GUCY1A2: variants seen among roughly 807,000 people sequenced by gnomAD.
GUCY1A2 encodes guanylate cyclase 1 soluble subunit alpha 2, also known as guanylate cyclase soluble subunit alpha-2.
A neutral mutation model predicts 63.5 loss-of-function variants in GUCY1A2; 27 were observed. The ratio of observed to expected loss-of-function variants is 0.43; its 90% CI spans 0.31 to 0.59. GUCY1A2 has a LOEUF of 0.59. Ranked by LOEUF, GUCY1A2 falls within the 20% of genes least tolerant of loss-of-function variation. GUCY1A2 has a pLI of 0.11. For missense variants in GUCY1A2, 768 were observed against 913.3 expected (o/e 0.84, Z 2.05); for synonymous variants, 364 against 343.5 (o/e 1.06, Z -0.66).
intron 5 of GUCY1A2, among the ~76,000 whole-genome samples, chr11:106,792,670 G>T (rs1864685392): frequency 8.9e-6 from 1 of 112,872 alleles, no homozygotes; most frequent in South Asian, 2.4e-4. Context: ...TACTGAATGG[G>T]CAAAAGCTGG....
Position 106,847,587 on chromosome 11 carries a change from T to G in GUCY1A2, c.1207-37109A>C, listed in dbSNP as rs76010267. Among the ~76,000 whole-genome samples, 942 of 151,578 alleles carry G rather than the reference T, an allele frequency of 6.2e-3. 13 individuals carry two copies. The highest frequency in any genetic ancestry group is 0.021 in the African/African-American group (865 of 41,480). ...GAGAAGGCATTTCAGCTGAGCCCCA[T>G]TAGTGGAAGCTTCCTGAAAAGGTGA... is the stretch of plus-strand genomic sequence containing the variant. On this transcript the variant is annotated intron_variant, in intron 4 of 7. Transcript: ENST00000526355.
At chr11:107,013,789 A>G (rs1054218281) in intron 1 of GUCY1A2, among the ~76,000 whole-genome samples, 6 of 152,196 alleles carry the variant, frequency 3.9e-5, no homozygotes, top group Non-Finnish European at 7.3e-5. Context: ...AGTGAATGAC[A>G]AATAAAACTT....
At chr11:106,902,282 G>C (rs764864953) in intron 4 of GUCY1A2, among the ~76,000 whole-genome samples, 5 of 152,214 alleles carry the variant, frequency 3.3e-5, no homozygotes, top group Non-Finnish European at 7.3e-5. Context: ...GCTGTAAGCA[G>C]ATGTGCTGTC....
chr11:106,738,516 T>C (rs971150808), intron 6 of GUCY1A2, among the ~76,000 whole-genome samples: 14 of 152,196 alleles, frequency 9.2e-5, no homozygotes, highest in African/African-American at 3.4e-4. Context: ...AGGGTTTTTA[T>C]GGTTTTAGGT....
intron 4 of GUCY1A2, among the ~76,000 whole-genome samples, chr11:106,872,154 T>C (rs1275477414): frequency 6.6e-6 from 1 of 152,136 alleles, no homozygotes; most frequent in African/African-American, 2.4e-5. Flanking sequence ...AAATTAACTA[T>C]AATTAAATTG....
rs75794227 is a variant in GUCY1A2, at chr11:106,924,262, C to T, written c.1206+15198G>A. Among the ~76,000 whole-genome samples the T allele has an allele frequency of 6.6e-3, 998 of 152,276 alleles. 3 individuals carry two copies. Among genetic ancestry groups the T allele is most frequent in the Non-Finnish European group, 0.01 (695 of 68,026 alleles). Reference sequence around the variant, plus strand: ...AATTCAGCTTATCTCAAAGGAAGAACATTACAAGCTCACACTGATTATAGT... The same window carrying T: ...AATTCAGCTTATCTCAAAGGAAGAATATTACAAGCTCACACTGATTATAGT... On this transcript the variant is annotated intron_variant, in intron 4 of 7. Coordinates refer to ENST00000526355, the MANE Select transcript of GUCY1A2 (RefSeq NM_000855.3).
chr11:106,727,643 GA>G (rs376288375), intron 6 of GUCY1A2, among the ~76,000 whole-genome samples: 8 of 151,816 alleles, frequency 5.3e-5, no homozygotes, highest in Admixed American at 3.9e-4. Context: ...CACATTTATG[GA>G]AAAAAAATCA....
chr11:107,017,715 T>C, intron 1 of GUCY1A2, 38 bp downstream of exon 1: 1 of 1,226,708 alleles, frequency 8.2e-7, no homozygotes, highest in Non-Finnish European at 1.1e-6. Flanking sequence ...CCGCGTTCTC[T>C]CCCCCGAAGG....
At chr11:106,827,632 C>T (rs565685910) in intron 4 of GUCY1A2, 15 of 1,528,638 alleles carry the variant, frequency 9.8e-6, no homozygotes, top group East Asian at 9.0e-5. Flanking sequence ...AGTTGCTTTA[C>T]GCCAGATTCT....
At chr11:106,789,735 T>TGC (rs1262884669) in intron 5 of GUCY1A2, among the ~76,000 whole-genome samples, 4 of 152,322 alleles carry the variant, frequency 2.6e-5, no homozygotes, top group Admixed American at 2.6e-4. Context: ...AGCCCAGTAA[T>TGC]GCTGTGGTTT....
chr11:106,787,596 A>AGGGGGAG (rs1321102996), intron 5 of GUCY1A2, among the ~76,000 whole-genome samples: 1 of 141,904 alleles, frequency 7.0e-6, no homozygotes, highest in Non-Finnish European at 1.6e-5. Flanking sequence ...AAGGAAGGGA[A>AGGGGGAG]GGGAAAAAGA....
chr11:106,725,152 C>CT (rs773251118), intron 6 of GUCY1A2, among the ~76,000 whole-genome samples: 437 of 22,990 alleles, frequency 0.019, 212 homozygotes, highest in Middle Eastern at 0.048. Context: ...GACATAAATT[C>CT]TTTTTTTTTT....
At chr11:106,875,597 T>TG (rs1859738092) in intron 4 of GUCY1A2, among the ~76,000 whole-genome samples, 1 of 152,044 alleles carries the variant, frequency 6.6e-6, no homozygotes, top group Non-Finnish European at 1.5e-5. Flanking sequence ...GTCCCAAACT[T>TG]AAGATTTACC....
chr11:106,917,802 G>A (rs1591326932), intron 4 of GUCY1A2, among the ~76,000 whole-genome samples: 2 of 98,240 alleles, frequency 2.0e-5, no homozygotes, highest in South Asian at 5.8e-4. Flanking sequence ...GTGGGGTGGG[G>A]GGAGGGGGGA....
chr11:107,000,292 G>A (rs1861596149), intron 1 of GUCY1A2, among the ~76,000 whole-genome samples: 1 of 152,162 alleles, frequency 6.6e-6, no homozygotes, highest in Non-Finnish European at 1.5e-5. Flanking sequence ...ATGTCAGGTG[G>A]AAACAATAAA....
intron 6 of GUCY1A2, among the ~76,000 whole-genome samples, chr11:106,723,207 C>T (rs1480319043): frequency 6.6e-6 from 1 of 152,152 alleles, no homozygotes; most frequent in African/African-American, 2.4e-5. Flanking sequence ...TGCTCCATGT[C>T]TGCGTATAAG....
chr11:106,812,375 C>T (rs547642012), intron 4 of GUCY1A2, among the ~76,000 whole-genome samples: 6 of 151,610 alleles, frequency 4.0e-5, no homozygotes, highest in South Asian at 4.2e-4. Flanking sequence ...TCCCTTGCTT[C>T]GTGGAGTTAC....
At chr11:106,954,325 G>A (rs548715837) in intron 3 of GUCY1A2, among the ~76,000 whole-genome samples, 1 of 152,282 alleles carries the variant, frequency 6.6e-6, no homozygotes, top group Non-Finnish European at 1.5e-5. Flanking sequence ...GTCGTTTTGA[G>A]TGAGTTTCTT....
At chr11:106,931,094 A>C (rs1456555921) in intron 4 of GUCY1A2, among the ~76,000 whole-genome samples, 1 of 152,250 alleles carries the variant, frequency 6.6e-6, no homozygotes, top group African/African-American at 2.4e-5. Context: ...AGATTATAAA[A>C]GACAACTGCA....
Sources: allele counts gnomAD v4.1 joint callset (sites outside exome capture counted in the v4.1 genomes callset), GRCh38; gene constraint gnomAD v4.1.1; transcripts MANE v1.5; gene names NCBI Gene and HGNC (gene_info 2026-07-23, HGNC 2026-07-21).